The following PDE1C variants were observed in gnomAD, a reference collection of about 807,000 sequenced individuals.
The protein encoded by PDE1C is phosphodiesterase 1C, also known as dual specificity calcium/calmodulin-dependent 3',5'-cyclic nucleotide phosphodiesterase 1C.
In PDE1C, 62 loss-of-function variants were observed where a neutral mutation model predicts 93.1. The observed-to-expected ratio is 0.67, with a 90% CI of 0.54 to 0.82. The LOEUF is 0.82. Ranked by LOEUF, PDE1C falls within the 40% of genes least tolerant of loss-of-function variation. The pLI, the probability that PDE1C is intolerant of heterozygous loss-of-function variation, is 0.00. For missense variants in PDE1C, 742 were observed against 884.6 expected (o/e 0.84, Z 2.04); for synonymous variants, 325 against 310.1 (o/e 1.05, Z -0.50).
At chr7:32,418,049 G>T (rs1277513117) in intron 1 of PDE1C, among the ~76,000 whole-genome samples, 1 of 152,082 alleles carries the variant, frequency 6.6e-6, no homozygotes, top group East Asian at 1.9e-4. Context: ...AAAATGCAGT[G>T]GTATTTAGAG....
chr7:32,120,290 G>A (rs1990088), intron 3 of PDE1C, among the ~76,000 whole-genome samples: 33,285 of 152,172 alleles, frequency 0.22, 3,918 homozygotes, highest in Middle Eastern at 0.28. Context: ...TCTGCAGACC[G>A]TCATACTTAG....
the PDE1C span, among the ~76,000 whole-genome samples, chr7:31,737,156 T>A: frequency 9.2e-5 from 14 of 152,124 alleles, no homozygotes; most frequent in South Asian, 2.9e-3. Flanking sequence ...TTTTATTTTT[T>A]TTTGTAGAGA....
intron 2 of PDE1C, among the ~76,000 whole-genome samples, chr7:31,906,644 G>T (rs978469964): frequency 3.9e-5 from 6 of 152,088 alleles, no homozygotes; most frequent in Non-Finnish European, 7.4e-5. Context: ...TGGGTGAGAG[G>T]GAAAGGCATT....
At chr7:31,853,702 G>A (rs3779244) in intron 7 of PDE1C, among the ~76,000 whole-genome samples, 14,801 of 151,378 alleles carry the variant, frequency 0.098, 1,089 homozygotes, top group East Asian at 0.24. Context: ...TTTTGTTTTC[G>A]TTTTGTTTTT....
chr7:32,262,843 G>C (rs1290964280), intron 1 of PDE1C, among the ~76,000 whole-genome samples: 1 of 152,204 alleles, frequency 6.6e-6, no homozygotes, highest in Non-Finnish European at 1.5e-5. Flanking sequence ...ATGTCTTGAA[G>C]GCCTAGGTGT....
intron 1 of PDE1C, among the ~76,000 whole-genome samples, chr7:32,423,791 T>C (rs1236435593): frequency 6.6e-6 from 1 of 152,152 alleles, no homozygotes; most frequent in Non-Finnish European, 1.5e-5. Context: ...CACTTTGAAA[T>C]CAGCACTTGA....
chr7:32,212,932 C>T (rs1380334111), intron 1 of PDE1C, among the ~76,000 whole-genome samples: 1 of 152,188 alleles, frequency 6.6e-6, no homozygotes, highest in East Asian at 1.9e-4. Context: ...CAAGAATTTA[C>T]ATGTCTGACA....
At position 31,975,099 on chromosome 7, in the gene PDE1C, C is replaced by G. The variant is rs892448069; in HGVS notation, c.128+76455G>C. 1.2e-4 allele frequency among the ~76,000 whole-genome samples: 19 copies of G among 152,296 alleles called. 1 individual carries two copies. Among genetic ancestry groups the G allele is most frequent in the Admixed American group, 1.0e-3 (16 of 15,300 alleles). ...TATATTCTATTTACTGAGCAACCAGCAGTTTTCAGAAAATCTAAAGTGGCT... is the reference window on the plus strand; with the variant it reads ...TATATTCTATTTACTGAGCAACCAGGAGTTTTCAGAAAATCTAAAGTGGCT... On this transcript the variant is annotated intron_variant, in intron 2 of 17. Transcript: ENST00000396191.
At chr7:31,629,531 A>T in the PDE1C span, among the ~76,000 whole-genome samples, 1 of 152,298 alleles carries the variant, frequency 6.6e-6, no homozygotes, top group African/African-American at 2.4e-5. Flanking sequence ...TTTTTCAACA[A>T]TTTTTAAGGT....
At chr7:31,844,251 AT>A (rs1409117366) in intron 9 of PDE1C, among the ~76,000 whole-genome samples, 2 of 151,686 alleles carry the variant, frequency 1.3e-5, no homozygotes, top group African/African-American at 4.8e-5. Flanking sequence ...CTAAAAATTA[AT>A]AAAATATAAA....
At chr7:31,894,568 G>C (rs997261050) in intron 2 of PDE1C, among the ~76,000 whole-genome samples, 4 of 152,162 alleles carry the variant, frequency 2.6e-5, no homozygotes, top group African/African-American at 9.7e-5. Context: ...TACTTGCTGT[G>C]GACCAGGTGC....
At chr7:31,873,198 T>C (rs1796147680) in intron 6 of PDE1C, 94 bp downstream of exon 6, 1 of 744,356 alleles carries the variant, frequency 1.3e-6, no homozygotes, top group South Asian at 1.8e-5. Flanking sequence ...GCAGTTTTCA[T>C]TCCGCATATT....
chr7:31,823,079 G>A lies in PDE1C; in HGVS notation c.1576C>T (p.Pro526Ser). ...CAGGTCTGTGGCATGTTACCTTTGG[G>A]TACCTTGGCCCTCCATCTCTCCCGA... The part of the protein sequence containing the change: ...INRERWRAKV[P>S]KEEKAKKEAE... The change falls in exon 14 of 18, where the codon CCC becomes TCC. Residue 526 changes from proline (P) to serine (S), a missense_variant. By Grantham distance (74) the Pro-to-Ser change is moderately conservative. Transcript: ENST00000396191. 1 of 1,609,082 alleles carries A rather than the reference G, an allele frequency of 6.2e-7. No homozygotes were observed. Among genetic ancestry groups the A allele is most frequent in the Non-Finnish European group, 8.5e-7 (1 of 1,177,562 alleles).
chr7:31,982,382 C>T (rs937733114), intron 2 of PDE1C, among the ~76,000 whole-genome samples: 1 of 152,128 alleles, frequency 6.6e-6, no homozygotes, highest in Non-Finnish European at 1.5e-5. Context: ...AAGTTACAAA[C>T]CATGAATTTA....
At chr7:31,851,182 C>T (rs962905444) in intron 7 of PDE1C, among the ~76,000 whole-genome samples, 3 of 151,996 alleles carry the variant, frequency 2.0e-5, no homozygotes, top group Admixed American at 6.6e-5. Flanking sequence ...AGGATATCCA[C>T]TAGGAAGTGG....
the PDE1C span, among the ~76,000 whole-genome samples, chr7:31,633,290 A>G: frequency 6.6e-6 from 1 of 152,214 alleles, no homozygotes. Context: ...GAGCAGAGCT[A>G]TGACCGACAA....
At chr7:32,114,059 G>A (rs1202649559) in intron 3 of PDE1C, among the ~76,000 whole-genome samples, 1 of 152,106 alleles carries the variant, frequency 6.6e-6, no homozygotes, top group Admixed American at 6.5e-5. Flanking sequence ...ACTATCCAAA[G>A]TAATTTATAG....
chr7:32,105,366 T>C (rs1798245577), intron 3 of PDE1C, among the ~76,000 whole-genome samples: 9 of 152,078 alleles, frequency 5.9e-5, no homozygotes, highest in Admixed American at 5.9e-4. Context: ...AAATGCACAG[T>C]AACTGGTAGC....
chr7:32,313,028 A>G (rs1562668874), intron 1 of PDE1C, among the ~76,000 whole-genome samples: 1 of 152,174 alleles, frequency 6.6e-6, no homozygotes, highest in East Asian at 1.9e-4. Flanking sequence ...AATATCCAGA[A>G]TCTACAATGA....
Sources: allele counts gnomAD v4.1 joint callset (sites outside exome capture counted in the v4.1 genomes callset), GRCh38; gene constraint gnomAD v4.1.1; transcripts MANE v1.5; gene names NCBI Gene and HGNC (gene_info 2026-07-23, HGNC 2026-07-21).